Variants in SF3B1 observed in about 807,000 individuals in gnomAD.
SF3B1 encodes splicing factor 3b subunit 1, also known as pre-mRNA processing 10.
A neutral mutation model predicts 153.8 loss-of-function variants in SF3B1; 12 were observed. That is an observed-to-expected ratio of 0.08 (90% CI 0.05 to 0.13). The LOEUF (loss-of-function observed/expected upper bound fraction) is 0.13. Ranked by LOEUF, SF3B1 falls within the 10% of genes least tolerant of loss-of-function variation. The probability of loss-of-function intolerance (pLI) is 1.00; values close to 1 mark genes in which losing one functional copy is unlikely to be tolerated. For synonymous variants in SF3B1, 498 were observed against 525.2 expected, an observed-to-expected ratio of 0.95 and a Z score of 0.71; for missense variants, 513 against 1,606.1, an observed-to-expected ratio of 0.32 and a Z score of 11.63.
chr2:197,416,660 A>C, intron 6 of SF3B1, 81 bp downstream of exon 6: 1 of 1,249,774 alleles, frequency 8.0e-7, no homozygotes, highest in Non-Finnish European at 1.1e-6. Context: ...GTATCTTGCT[A>C]TGGCAACCCA....
chr2:197,402,461 C>G lies in SF3B1; in HGVS notation c.2077+95G>C. On this transcript the variant is annotated intron_variant, in intron 14 of 24. Coordinates refer to ENST00000335508, the MANE Select transcript of SF3B1 (RefSeq NM_012433.4). The surrounding 1 kb of genome is among the most constrained non-coding windows in gnomAD (Gnocchi z 4.6). ...CTAAGGAGGCTGAGCAGGAGGATCA[C>G]TTGAGCCCAAAGGTTTGAGTCCAGT... 1 of 1,115,676 alleles carries G rather than the reference C, an allele frequency of 9.0e-7. No individual in the cohort carries two copies. The allele number at this position is 1,115,676 out of a possible 1,614,324, so 69.1% of individuals were successfully genotyped here. A position where few individuals can be genotyped will look rare whatever the true frequency, so the allele number is the denominator to read the frequency against.
intron 1 of SF3B1, among the ~76,000 whole-genome samples, chr2:197,428,847 A>AT (rs2085377641): frequency 6.6e-6 from 1 of 152,084 alleles, no homozygotes; most frequent in Non-Finnish European, 1.5e-5. Flanking sequence ...GTGAGCCGAG[A>AT]TCACAGCACT....
chr2:197,407,606 T>TAA (rs143335876), intron 9 of SF3B1, among the ~76,000 whole-genome samples: 11 of 132,444 alleles, frequency 8.3e-5, no homozygotes, highest in Admixed American at 2.3e-4. Context: ...CTCCATCTTT[T>TAA]AAAAAAAAAA....
rs2085222183 is a variant in SF3B1, at chr2:197,420,473, G to A, written c.370C>T (p.Arg124Trp). ...DREDEYKKHR[R>W]TMIISPERLD... ...CGCTCTGGGGAAATTATCATGGTCC[G>A]CCTATGCTTTTTGTATTCATCTTCC... Residue 124 changes from arginine (R) to tryptophan (W), a missense_variant, in exon 4 of 25, where the codon CGG becomes TGG. This residue lies in a region of SF3B1 where 56 missense variants were observed against 75.6 expected (regional missense o/e 0.74). Coordinates refer to ENST00000335508, the MANE Select transcript of SF3B1 (RefSeq NM_012433.4). 1.2e-6 allele frequency: 2 copies of A among 1,613,240 alleles called. No homozygotes were observed. Among genetic ancestry groups the A allele is most frequent in the Non-Finnish European group, 1.7e-6 (2 of 1,179,412 alleles).
At chr2:197,435,043 C>T (rs1314717899), upstream of SF3B1, 1 of 1,613,974 alleles carries the variant, frequency 6.2e-7, no homozygotes, top group Admixed American at 1.7e-5. Flanking sequence ...CTCCCAAGAA[C>T]TTCCGCTCGT....
Position 197,400,947 on chromosome 2 carries a change from C to G in SF3B1, c.2497-11G>C, listed in dbSNP as rs367950384. The G allele has an allele frequency of 1.4e-4, 223 of 1,571,926 alleles. No individual in the cohort carries two copies. Among genetic ancestry groups the G allele is most frequent in the Non-Finnish European group, 1.9e-4 (219 of 1,152,960 alleles). ...AGTAGTATCAACTAACTAAAAAGAA[C>G]AGAAAAACAAAAAACCTTTTAGACT... On this transcript the variant is annotated splice_polypyrimidine_tract_variant and intron_variant, in intron 17 of 24. Coordinates refer to ENST00000335508, the MANE Select transcript of SF3B1 (RefSeq NM_012433.4). This position sits in a 1 kb window ranked among gnomAD's most constrained non-coding sequence, Gnocchi z 5.0.
intron 6 of SF3B1, among the ~76,000 whole-genome samples, chr2:197,416,428 G>A (rs1372379808): frequency 1.3e-5 from 2 of 152,038 alleles, no homozygotes; most frequent in Admixed American, 6.6e-5. Flanking sequence ...GTAAATTAAG[G>A]TCAAATGGGG....
At chr2:197,399,459 T>C (rs999677320) in intron 20 of SF3B1, among the ~76,000 whole-genome samples, 30 of 152,294 alleles carry the variant, frequency 2.0e-4, no homozygotes, top group African/African-American at 7.2e-4. Context: ...GTTTTCTTCA[T>C]ACTGCCCTAA....
At chr2:197,414,783 C>G (rs909755799) in intron 6 of SF3B1, among the ~76,000 whole-genome samples, 1 of 152,070 alleles carries the variant, frequency 6.6e-6, no homozygotes, top group Admixed American at 6.6e-5. Flanking sequence ...GGCAGATGGA[C>G]TGCTTAAGCC....
At chr2:197,394,628 G>A (rs74265000) in intron 23 of SF3B1, among the ~76,000 whole-genome samples, 23,857 of 152,144 alleles carry the variant, frequency 0.16, 2,116 homozygotes, top group Middle Eastern at 0.28. Flanking sequence ...TTTCCAGGCC[G>A]GGCACGGTGG....
At chr2:197,397,515 G>T (rs1281867885) in intron 22 of SF3B1, among the ~76,000 whole-genome samples, 1 of 152,158 alleles carries the variant, frequency 6.6e-6, no homozygotes, top group Non-Finnish European at 1.5e-5. Context: ...AAGACTACAG[G>T]CTGTGCGCAG....
At position 197,409,650 on chromosome 2, in the gene SF3B1, TG is replaced by T. The variant is rs945575468; in HGVS notation, c.904+119del. ...CATATGAACTGTTCTATTCTTAATC[TG>T]TCCCCCAAAAGCAGCTGGTTATTTA... On this transcript the variant is annotated intron_variant, in intron 7 of 24. Transcript: ENST00000335508. 7.4e-5 allele frequency: 59 copies of T among 797,444 alleles called. No homozygotes were observed. In the Middle Eastern group the frequency reaches 4.7e-3, roughly 63 times the overall value. 49.4% of individuals were successfully genotyped at this position (797,444 alleles called of 1,614,324 possible). A position where few individuals can be genotyped will look rare whatever the true frequency, so the allele number is the denominator to read the frequency against.
intron 1 of SF3B1, among the ~76,000 whole-genome samples, chr2:197,429,523 C>A: frequency 6.6e-6 from 1 of 152,172 alleles, no homozygotes; most frequent in Non-Finnish European, 1.5e-5. Flanking sequence ...GTGGCTCACG[C>A]CTGTAATCCC....
intron 2 of SF3B1, among the ~76,000 whole-genome samples, chr2:197,422,497 T>A (rs531265169): frequency 1.3e-5 from 2 of 152,184 alleles, no homozygotes; most frequent in South Asian, 4.1e-4. Flanking sequence ...ATGGCACATG[T>A]ATACATACGT....
chr2:197,417,128 A>T (rs565313480), intron 5 of SF3B1, among the ~76,000 whole-genome samples: 2 of 152,340 alleles, frequency 1.3e-5, no homozygotes, highest in East Asian at 3.9e-4. Flanking sequence ...CAAGTTCAGA[A>T]TTCGTAACAT....
At position 197,392,263 on chromosome 2, in the gene SF3B1, G is replaced by T. The variant is rs759769456; in HGVS notation, c.*40C>A. The T allele has an allele frequency of 1.7e-5, 14 of 836,380 alleles. No individual in the cohort carries two copies. Among genetic ancestry groups the T allele is most frequent in the Non-Finnish European group, 2.8e-5 (14 of 492,900 alleles). 51.8% of individuals were successfully genotyped at this position (836,380 alleles called of 1,614,324 possible). ...CACCAAATCAAAGCAAGTTTAAGGT[G>T]TGAAGTAGCTGTGCATTAAACACAA... On this transcript the variant is annotated 3_prime_UTR_variant, in exon 25 of 25. Coordinates refer to ENST00000335508, the MANE Select transcript of SF3B1 (RefSeq NM_012433.4).
chr2:197,390,992 G>A lies in SF3B1; in HGVS notation c.*1311C>T, dbSNP rs1248630782. 1.3e-5 allele frequency: 2 copies of A among 152,124 alleles called. No homozygotes were observed. The highest frequency in any genetic ancestry group is 2.4e-5 in the African/African-American group (1 of 41,416). 9.4% of individuals were successfully genotyped at this position (152,124 alleles called of 1,614,324 possible). A position where few individuals can be genotyped will look rare whatever the true frequency, so the allele number is the denominator to read the frequency against. On this transcript the variant is annotated 3_prime_UTR_variant, in exon 25 of 25. Coordinates refer to ENST00000335508, the MANE Select transcript of SF3B1 (RefSeq NM_012433.4). ...ACAGTAGTAGTTATATACTAATGCT[G>A]CTTGCAGAATTTTTTTTCCCTTTAG...
At chr2:197,424,914 C>A (rs1301964178) in intron 1 of SF3B1, among the ~76,000 whole-genome samples, 1 of 152,216 alleles carries the variant, frequency 6.6e-6, no homozygotes, top group Non-Finnish European at 1.5e-5. Context: ...AATCCCAGCA[C>A]TTTGGGAGGC....
chr2:197,392,981 A>G lies in SF3B1; in HGVS notation c.3747T>C (p.Tyr1249=), dbSNP rs781138041. 5.5e-5 allele frequency: 88 copies of G among 1,603,166 alleles called. No individual in the cohort carries two copies. The highest frequency in any genetic ancestry group is 7.0e-5 in the Non-Finnish European group (82 of 1,170,788). ...VAIGPCRMLQ[Y]CLQGLFHPAR... ...AAAATCTTTAACTTACCTGTAAACAATATTGCAACATTCTACATGGTCCAA... is the reference window on the plus strand; with the variant it reads ...AAAATCTTTAACTTACCTGTAAACAGTATTGCAACATTCTACATGGTCCAA... The change falls in exon 24 of 25, where the codon TAT becomes TAC. Residue 1249 remains tyrosine, a synonymous_variant. Transcript: ENST00000335508.
Sources: allele counts gnomAD v4.1 joint callset (sites outside exome capture counted in the v4.1 genomes callset), GRCh38; gene constraint gnomAD v4.1.1; regional missense constraint gnomAD v4.1.1; non-coding constraint Gnocchi (gnomAD v3.1); transcripts MANE v1.5; gene names NCBI Gene and HGNC (gene_info 2026-07-23, HGNC 2026-07-21).